The following EGFLAM variants were observed in gnomAD, a reference collection of about 807,000 sequenced individuals.
The protein encoded by EGFLAM is pikachurin.
Under a neutral mutation model 113.1 loss-of-function variants are expected in EGFLAM, and 79 were observed. That is an observed-to-expected ratio of 0.70 (90% CI 0.58 to 0.84). The LOEUF is 0.84. Among genes scored for constraint, EGFLAM ranks in the 40% least tolerant of loss-of-function variants. The pLI is 0.00. For missense variants in EGFLAM, 1,265 were observed against 1,291.6 expected (o/e 0.98, Z 0.32); for synonymous variants, 504 against 487.6 (o/e 1.03, Z -0.44).
intron 10 of EGFLAM, among the ~76,000 whole-genome samples, chr5:38,410,120 C>T (rs72742506): frequency 0.028 from 4,292 of 152,288 alleles, 91 homozygotes; most frequent in South Asian, 0.074. Context: ...CAGCGTCTGA[C>T]CCAGAGCAAG....
At chr5:38,279,889 A>G (rs1056603213) in intron 1 of EGFLAM, among the ~76,000 whole-genome samples, 1 of 152,114 alleles carries the variant, frequency 6.6e-6, no homozygotes, top group Non-Finnish European at 1.5e-5. Flanking sequence ...CATAGTGATA[A>G]CTATGTGAGG....
At position 38,462,977 on chromosome 5, in the gene EGFLAM, G is replaced by A; in HGVS notation, c.2841G>A (p.Met947Ile). The A allele has an allele frequency of 6.2e-7, 1 of 1,614,146 alleles. No individual in the cohort carries two copies. The highest frequency in any genetic ancestry group is 8.5e-7 in the Non-Finnish European group (1 of 1,180,006). Residue 947 changes from methionine to isoleucine, a missense_variant, in exon 21 of 22, where the codon ATG (methionine) becomes ATA (isoleucine). Coordinates refer to ENST00000322350, the MANE Select transcript of EGFLAM (RefSeq NM_152403.4). ...GAACAGGCAAATCCCCAGGCATGAT[G>A]CGGCAGCTTAACATCAATGGAGCTC... ...GARTGKSPGMMRQLNINGALY... is the reference protein window; with the variant it reads ...GARTGKSPGMIRQLNINGALY...
At chr5:38,400,175 T>G (rs1464512652) in intron 6 of EGFLAM, among the ~76,000 whole-genome samples, 1 of 152,188 alleles carries the variant, frequency 6.6e-6, no homozygotes, top group African/African-American at 2.4e-5. Flanking sequence ...TCCCAATTAT[T>G]TGGATTGTAT....
intron 5 of EGFLAM, among the ~76,000 whole-genome samples, chr5:38,353,307 T>C (rs1266166898): frequency 6.6e-6 from 1 of 152,190 alleles, no homozygotes. Context: ...CTAGTTGCTG[T>C]TTGATTTTGA....
chr5:38,367,010 A>G (rs1245840083), intron 5 of EGFLAM, among the ~76,000 whole-genome samples: 2 of 152,116 alleles, frequency 1.3e-5, no homozygotes, highest in African/African-American at 4.8e-5. Context: ...TCTATTCCCC[A>G]CCTGAATTCA....
chr5:38,261,641 G>T (rs140627788), intron 1 of EGFLAM, among the ~76,000 whole-genome samples: 21 of 152,318 alleles, frequency 1.4e-4, no homozygotes, highest in African/African-American at 5.1e-4. Flanking sequence ...TGGAGCTCCC[G>T]TGGGTCAGAT....
intron 1 of EGFLAM, among the ~76,000 whole-genome samples, chr5:38,272,714 G>A (rs2589797): frequency 0.61 from 93,003 of 151,954 alleles, 29,347 homozygotes; most frequent in African/African-American, 0.75. Flanking sequence ...AAAGCAACCA[G>A]TTGACTGAAA....
At chr5:38,391,285 T>A (rs767997534) in intron 6 of EGFLAM, among the ~76,000 whole-genome samples, 13 of 152,166 alleles carry the variant, frequency 8.5e-5, no homozygotes, top group Admixed American at 8.5e-4. Context: ...GTATATCAGG[T>A]CTTCATACAT....
At chr5:38,402,404 C>A (rs568323322) in intron 6 of EGFLAM, among the ~76,000 whole-genome samples, 7 of 152,058 alleles carry the variant, frequency 4.6e-5, no homozygotes, top group Non-Finnish European at 1.5e-5. Context: ...GTAATAACAC[C>A]AATTTTATAG....
intron 1 of EGFLAM, among the ~76,000 whole-genome samples, chr5:38,295,089 C>A (rs58406260): frequency 0.04 from 6,112 of 152,208 alleles, 423 homozygotes; most frequent in African/African-American, 0.14. Flanking sequence ...GGCCTCCCAA[C>A]GTGCTGGGAA....
rs1307281601 is a variant in EGFLAM, at chr5:38,337,570, G to A, written c.148G>A (p.Ala50Thr). The stretch of plus-strand genomic sequence containing the variant: ...CAAGCTGGGCGCATTGAACTGTACG[G>A]CTTTCAGCATCCAGTGGAAAATGCC... ...DIKLGALNCT[A>T]FSIQWKMPRH... is the part of the protein sequence containing the mutation. Residue 50 changes from alanine (A) to threonine (T), a missense_variant, in exon 2 of 22, where the codon GCT becomes ACT. Transcript: ENST00000322350. 2 of 1,607,390 alleles carry A rather than the reference G, an allele frequency of 1.2e-6. No individual in the cohort carries two copies. The highest frequency in any genetic ancestry group is 1.7e-4 in the Middle Eastern group (1 of 5,878).
intron 6 of EGFLAM, among the ~76,000 whole-genome samples, chr5:38,404,399 A>C (rs1030802428): frequency 3.3e-5 from 5 of 152,156 alleles, no homozygotes; most frequent in African/African-American, 1.2e-4. Context: ...GTGAGAAGGC[A>C]CCATCTGTGC....
intron 12 of EGFLAM, among the ~76,000 whole-genome samples, chr5:38,420,751 T>A (rs1741795306): frequency 6.6e-6 from 1 of 152,182 alleles, no homozygotes; most frequent in Non-Finnish European, 1.5e-5. Flanking sequence ...TGACAGGTAG[T>A]TCAGAGGTTG....
intron 1 of EGFLAM, among the ~76,000 whole-genome samples, chr5:38,323,893 T>C (rs930088283): frequency 1.3e-5 from 2 of 151,958 alleles, no homozygotes; most frequent in Non-Finnish European, 2.9e-5. Flanking sequence ...TAGTAAAAAG[T>C]TAAGCTGGCG....
intron 16 of EGFLAM, among the ~76,000 whole-genome samples, chr5:38,436,503 G>C (rs1322738198): frequency 6.6e-6 from 1 of 152,148 alleles, no homozygotes; most frequent in African/African-American, 2.4e-5. Context: ...TGTTACTGAA[G>C]TTCGAGGTCT....
At position 38,365,077 on chromosome 5, in the gene EGFLAM, G is replaced by C. The variant is rs146089231; in HGVS notation, c.546-5219G>C. Among the ~76,000 whole-genome samples, 81 of 152,258 alleles carry C rather than the reference G, an allele frequency of 5.3e-4. 1 individual carries two copies. The East Asian group carries it at 0.015, about 28-fold the overall frequency. On this transcript the variant is annotated intron_variant, in intron 5 of 21. Coordinates refer to ENST00000322350, the MANE Select transcript of EGFLAM (RefSeq NM_152403.4). ...TGTATCCCCTAGAGGACAGTTGGCTGCTCCAACAAATTCCACTCTCAAAAG... is the reference window on the plus strand; with the variant it reads ...TGTATCCCCTAGAGGACAGTTGGCTCCTCCAACAAATTCCACTCTCAAAAG...
At chr5:38,324,092 C>G (rs1738811644) in intron 1 of EGFLAM, among the ~76,000 whole-genome samples, 1 of 151,494 alleles carries the variant, frequency 6.6e-6, no homozygotes, top group Non-Finnish European at 1.5e-5. Context: ...AAAGCTTTCC[C>G]TGATGATTCA....
Position 38,438,403 on chromosome 5 carries a change from G to A in EGFLAM, c.2412G>A (p.Glu804=). The change falls in exon 17 of 22, where the codon GAG becomes GAA. Residue 804 remains glutamate (E), a synonymous_variant. Transcript: ENST00000322350. ...AHGGSCRPRK[E]GYDCDCPLGF... is the part of the protein sequence containing the mutation. ...GGGGCAGCTGCCGGCCCAGGAAGGAGGGCTATGACTGTGACTGCCCCTTGG... is the reference window on the plus strand; with the variant it reads ...GGGGCAGCTGCCGGCCCAGGAAGGAAGGCTATGACTGTGACTGCCCCTTGG... The A allele has an allele frequency of 6.2e-7, 1 of 1,613,888 alleles. No homozygotes were observed. Among genetic ancestry groups the A allele is most frequent in the Non-Finnish European group, 8.5e-7 (1 of 1,179,914 alleles).
Position 38,352,299 on chromosome 5 carries a change from C to T in EGFLAM, c.513C>T (p.Ala171=). The change falls in exon 5 of 22, where the codon GCC becomes GCT. Residue 171 remains alanine, a synonymous_variant. Transcript: ENST00000322350. ...SWKPGASEGS[A]PIQYYSVEFI... is the part of the protein sequence containing the mutation. ...AACCTGGAGCGAGTGAAGGAAGCGC[C>T]CCTATTCAGTACTATTCTGTGGAAT... 1 of 1,614,058 alleles carries T rather than the reference C, an allele frequency of 6.2e-7. No homozygotes were observed. The highest frequency in any genetic ancestry group is 1.1e-5 in the South Asian group (1 of 91,070).
Sources: allele counts gnomAD v4.1 joint callset (sites outside exome capture counted in the v4.1 genomes callset), GRCh38; gene constraint gnomAD v4.1.1; transcripts MANE v1.5; gene names NCBI Gene and HGNC (gene_info 2026-07-23, HGNC 2026-07-21).